Variants in KIF16B observed in about 807,000 individuals in gnomAD.
KIF16B encodes kinesin family member 16B.
KIF16B carries 98 observed loss-of-function variants against 156.3 expected under a neutral mutation model. That is an observed-to-expected ratio of 0.63 (90% CI 0.53 to 0.74). The LOEUF (loss-of-function observed/expected upper bound fraction) is 0.74. Ranked by LOEUF, KIF16B falls within the 30% of genes least tolerant of loss-of-function variation. The probability of loss-of-function intolerance (pLI) is 0.00; values close to 1 mark genes in which losing one functional copy is unlikely to be tolerated. For missense variants in KIF16B, 1,421 were observed against 1,606.5 expected (o/e 0.88, Z 1.97); for synonymous variants, 564 against 583.7 (o/e 0.97, Z 0.49).
In KIF16B at chr20:16,505,867, G is replaced by C. The variant is rs752855876; in HGVS notation, c.869-14C>G. 6.2e-7 allele frequency: 1 copy of C among 1,612,722 alleles called. No homozygotes were observed. Among genetic ancestry groups the C allele is most frequent in the South Asian group, 1.1e-5 (1 of 90,738 alleles). On this transcript the variant is annotated splice_polypyrimidine_tract_variant and intron_variant, in intron 8 of 25. Transcript: ENST00000354981. ...GAGATAAATCAGCTATGAAAAGGAA[G>C]AAACAAAGGGGAGAAAGGACAATTA...
chr20:16,299,092 CT>C (rs371583660), intron 25 of KIF16B, among the ~76,000 whole-genome samples: 2 of 152,144 alleles, frequency 1.3e-5, no homozygotes, highest in African/African-American at 4.8e-5. Context: ...GCGTGTGTGT[CT>C]GTATTTGATG....
intron 12 of KIF16B, among the ~76,000 whole-genome samples, chr20:16,445,419 CGTGTGTGT>C (rs11467171): frequency 1.3e-4 from 19 of 146,760 alleles, no homozygotes; most frequent in Middle Eastern, 3.2e-3. Context: ...CATGTATATA[CGTGTGTGT>C]GTGTGTGTGT....
intron 25 of KIF16B, among the ~76,000 whole-genome samples, chr20:16,287,711 G>C (rs2063245865): frequency 6.6e-6 from 1 of 152,200 alleles, no homozygotes; most frequent in Non-Finnish European, 1.5e-5. Context: ...AGTAGTTTCA[G>C]TGATGACGAT....
In KIF16B at chr20:16,506,096, G is replaced by T; in HGVS notation, c.794C>A (p.Thr265Asn). 6.2e-7 allele frequency: 1 copy of T among 1,613,984 alleles called. No individual in the cohort carries two copies. The highest frequency in any genetic ancestry group is 1.6e-4 in the Middle Eastern group (1 of 6,062). The change falls in exon 8 of 26, where the codon ACC (threonine) becomes AAC (asparagine). Residue 265 changes from threonine (T) to asparagine (N), a missense_variant. Coordinates refer to ENST00000354981, the MANE Select transcript of KIF16B (RefSeq NM_024704.5). ...GSERADATGA[T>N]GVRLKEGGNI... ...TCCCCCTTCCTTTAGCCTAACCCCG[G>T]TGGCTCCGGTGGCATCTGCACGCTC...
intron 23 of KIF16B, among the ~76,000 whole-genome samples, chr20:16,346,449 C>A (rs1350449450): frequency 6.6e-6 from 1 of 152,158 alleles, no homozygotes. Context: ...CTCAGAGCCT[C>A]AGGCTTGTGA....
At chr20:16,316,548 A>T (rs945601079) in intron 24 of KIF16B, among the ~76,000 whole-genome samples, 1 of 152,128 alleles carries the variant, frequency 6.6e-6, no homozygotes, top group African/African-American at 2.4e-5. Flanking sequence ...CAAATAAAGG[A>T]GTCTCTGAAA....
chr20:16,499,324 T>C (rs913501077), intron 10 of KIF16B, among the ~76,000 whole-genome samples: 6 of 152,228 alleles, frequency 3.9e-5, no homozygotes, highest in Non-Finnish European at 7.3e-5. Flanking sequence ...ATGTAGTTCA[T>C]CCTAATCCAG....
At chr20:16,327,237 G>A (rs1209988447) in intron 24 of KIF16B, among the ~76,000 whole-genome samples, 1 of 151,868 alleles carries the variant, frequency 6.6e-6, no homozygotes, top group African/African-American at 2.4e-5. Flanking sequence ...TCACTCATAA[G>A]TGGGAGCTAA....
intron 22 of KIF16B, among the ~76,000 whole-genome samples, chr20:16,356,789 C>T (rs1228112296): frequency 6.6e-6 from 1 of 152,106 alleles, no homozygotes; most frequent in Non-Finnish European, 1.5e-5. Flanking sequence ...CAGTGTAAAC[C>T]AGATTGCCTT....
At chr20:16,448,479 C>G (rs2066992694) in intron 12 of KIF16B, among the ~76,000 whole-genome samples, 1 of 152,162 alleles carries the variant, frequency 6.6e-6, no homozygotes, top group African/African-American at 2.4e-5. Flanking sequence ...TGACCTCACA[C>G]AGATTTCTAA....
At chr20:16,343,789 A>G (rs2064182740) in intron 23 of KIF16B, among the ~76,000 whole-genome samples, 1 of 152,224 alleles carries the variant, frequency 6.6e-6, no homozygotes, top group East Asian at 1.9e-4. Context: ...TGGGCCTCAC[A>G]GAGGAAGAGA....
At chr20:16,326,876 A>G (rs1285016515) in intron 24 of KIF16B, among the ~76,000 whole-genome samples, 1 of 151,938 alleles carries the variant, frequency 6.6e-6, no homozygotes, top group Admixed American at 6.6e-5. Context: ...TTGCACACAC[A>G]TGTTTATAGC....
intron 10 of KIF16B, among the ~76,000 whole-genome samples, chr20:16,499,300 TA>T (rs2068548476): frequency 6.6e-6 from 1 of 152,216 alleles, no homozygotes; most frequent in African/African-American, 2.4e-5. Context: ...TCTCAGCTGA[TA>T]TTAATAGTAC....
intron 17 of KIF16B, among the ~76,000 whole-genome samples, chr20:16,396,232 T>C (rs1427599755): frequency 6.6e-6 from 1 of 152,062 alleles, no homozygotes; most frequent in East Asian, 1.9e-4. Context: ...GCGCGCTCCT[T>C]ATGAGACTCA....
At chr20:16,489,584 C>G (rs909478558) in intron 12 of KIF16B, among the ~76,000 whole-genome samples, 1 of 151,950 alleles carries the variant, frequency 6.6e-6, no homozygotes, top group Admixed American at 6.6e-5. Context: ...GTAATCCCAG[C>G]TACCTGGGAG....
chr20:16,526,202 GT>G lies in KIF16B; in HGVS notation c.120del (p.Pro41GlnfsTer47). ...KSKTTITNLK[I>X]PEGGTGDSGR... ...CCTGAGTCCCCAGTGCCTCCTTCTG[GT>G]ATCTAGAAAGAAATGATTAGAATAA... On this transcript the variant is annotated frameshift_variant and splice_region_variant, in exon 3 of 26. Transcript: ENST00000354981. LOFTEE classifies it high-confidence loss of function. The G allele has an allele frequency of 6.5e-7, 1 of 1,539,804 alleles. No individual in the cohort carries two copies. Among genetic ancestry groups the G allele is most frequent in the Non-Finnish European group, 8.9e-7 (1 of 1,127,426 alleles).
chr20:16,502,524 T>C (rs1568611370), intron 10 of KIF16B, among the ~76,000 whole-genome samples: 1 of 152,174 alleles, frequency 6.6e-6, no homozygotes, highest in Non-Finnish European at 1.5e-5. Context: ...GACTTAACTG[T>C]CTTTTATATC....
At chr20:16,376,128 A>G (rs1293065855) in intron 19 of KIF16B, among the ~76,000 whole-genome samples, 2 of 152,216 alleles carry the variant, frequency 1.3e-5, no homozygotes, top group Non-Finnish European at 2.9e-5. Flanking sequence ...TCTGAGGTAC[A>G]CAGAGTTATT....
intron 10 of KIF16B, among the ~76,000 whole-genome samples, chr20:16,502,782 T>TAGAG (rs778217652): frequency 3.9e-5 from 6 of 152,222 alleles, no homozygotes; most frequent in Admixed American, 1.3e-4. Flanking sequence ...CCTTCATTCT[T>TAGAG]TTAACCTAAT....
Sources: allele counts gnomAD v4.1 joint callset (sites outside exome capture counted in the v4.1 genomes callset), GRCh38; gene constraint gnomAD v4.1.1; transcripts MANE v1.5; gene names NCBI Gene and HGNC (gene_info 2026-07-23, HGNC 2026-07-21).